Variants in SNX6 observed in about 807,000 individuals in gnomAD.
SNX6 encodes the protein sorting nexin 6.
Under a neutral mutation model 63.0 loss-of-function variants are expected in SNX6, and 34 were observed. That is an observed-to-expected ratio of 0.54 (90% CI 0.41 to 0.72). The LOEUF is 0.72. SNX6 is among the 30% of genes least tolerant of loss of function. The pLI, the probability that SNX6 is intolerant of heterozygous loss-of-function variation, is 0.00. For missense variants in SNX6, 398 were observed against 471.4 expected, an observed-to-expected ratio of 0.84 and a Z score of 1.44; for synonymous variants, 170 against 164.2, an observed-to-expected ratio of 1.04 and a Z score of -0.27.
chr14:34,598,636 G>C (rs1403106509), intron 6 of SNX6, among the ~76,000 whole-genome samples: 1 of 152,158 alleles, frequency 6.6e-6, no homozygotes, highest in Non-Finnish European at 1.5e-5. Context: ...AACCACCTTG[G>C]CCTCCCAAAG....
chr14:34,573,180 G>C (rs1163946543), intron 11 of SNX6, among the ~76,000 whole-genome samples: 2 of 152,058 alleles, frequency 1.3e-5, no homozygotes. Flanking sequence ...ATGTCATTTT[G>C]TTGCCTAGGC....
intron 11 of SNX6, 70 bp downstream of exon 11, chr14:34,575,686 A>G: frequency 1.4e-6 from 1 of 704,626 alleles, no homozygotes; most frequent in South Asian, 1.7e-5. Context: ...ATCATTAACA[A>G]TCTGAAGTCT....
chr14:34,569,073 TGCCAGA>T lies in SNX6; in HGVS notation c.922-1066_922-1061del. On this transcript the variant is annotated intron_variant, in intron 11 of 13. Transcript: ENST00000362031. ...GCTTCCCAGACTTTCTGAGGAAGGC[TGCCAGA>T]GCTCTGATGAACTCCTGCTGGTTCA... 1.1e-5 allele frequency: 13 copies of T among 1,153,732 alleles called. No homozygotes were observed. The South Asian group carries it at 1.5e-4, about 13-fold the overall frequency. The allele number at this position is 1,153,732 out of a possible 1,614,324, so 71.5% of individuals were successfully genotyped here.
At chr14:34,572,712 G>A (rs138766792) in intron 11 of SNX6, among the ~76,000 whole-genome samples, 4 of 151,142 alleles carry the variant, frequency 2.6e-5, no homozygotes, top group African/African-American at 7.3e-5. Flanking sequence ...ATGGAGTCTC[G>A]CTCTGTCCCC....
At chr14:34,566,551 AAAAC>A (rs1350479994) in intron 13 of SNX6, among the ~76,000 whole-genome samples, 1 of 152,262 alleles carries the variant, frequency 6.6e-6, no homozygotes, top group Non-Finnish European at 1.5e-5. Flanking sequence ...GACTTTTTAA[AAAAC>A]AACTAGTCAA....
At chr14:34,628,301 T>C (rs938516499) in intron 2 of SNX6, among the ~76,000 whole-genome samples, 2 of 151,684 alleles carry the variant, frequency 1.3e-5, no homozygotes, top group South Asian at 2.1e-4. Flanking sequence ...CTACTAAAAA[T>C]ACAAAAAATT....
At chr14:34,564,050 C>CA (rs1232657889) in intron 13 of SNX6, among the ~76,000 whole-genome samples, 3 of 151,762 alleles carry the variant, frequency 2.0e-5, no homozygotes, top group African/African-American at 4.8e-5. Context: ...TGTTTTGAGA[C>CA]AGAGTCTTGC....
intron 2 of SNX6, 140 bp downstream of exon 2, chr14:34,629,767 G>A (rs1270211865): frequency 2.3e-6 from 3 of 1,320,212 alleles, no homozygotes; most frequent in East Asian, 2.5e-5. Context: ...GGTGGGGCGC[G>A]GTGCAGCGAG....
intron 11 of SNX6, among the ~76,000 whole-genome samples, chr14:34,570,859 G>T (rs2138267752): frequency 6.6e-6 from 1 of 151,466 alleles, no homozygotes; most frequent in Admixed American, 6.6e-5. Flanking sequence ...GAGTAGCTGG[G>T]ACTACAGGCG....
At chr14:34,578,896 G>A (rs1383263878) in intron 10 of SNX6, among the ~76,000 whole-genome samples, 3 of 114,208 alleles carry the variant, frequency 2.6e-5, no homozygotes, top group African/African-American at 6.7e-5. Context: ...CCAAGATCGC[G>A]CCACTGCACT....
intron 2 of SNX6, among the ~76,000 whole-genome samples, chr14:34,624,541 T>C (rs1682309426): frequency 6.6e-6 from 1 of 152,074 alleles, no homozygotes; most frequent in Non-Finnish European, 1.5e-5. Flanking sequence ...CTCACACCTG[T>C]AATCCCAGCA....
intron 2 of SNX6, among the ~76,000 whole-genome samples, chr14:34,611,748 CAAAAAA>C (rs1171892665): frequency 9.3e-6 from 1 of 107,158 alleles, no homozygotes; most frequent in East Asian, 2.9e-4. Flanking sequence ...GACACTGTCT[CAAAAAA>C]AAAAAAAAAA....
chr14:34,616,043 C>T (rs1331889958), intron 2 of SNX6, among the ~76,000 whole-genome samples: 1 of 152,198 alleles, frequency 6.6e-6, no homozygotes, highest in Non-Finnish European at 1.5e-5. Flanking sequence ...GCAATCTCCA[C>T]CTCCAGGGTT....
rs1048291880 is a variant in SNX6 at position 34,629,073 on chromosome 14, G to A, written c.54+834C>T. Among the ~76,000 whole-genome samples, 4 of 151,792 alleles carry A rather than the reference G, an allele frequency of 2.6e-5. 1 individual carries two copies. In the Admixed American group the frequency reaches 2.6e-4, roughly 10 times the overall value. On this transcript the variant is annotated intron_variant, in intron 2 of 13. Transcript: ENST00000362031. Reference sequence around the variant, plus strand: ...GGAGTGTGTATGTGGGGGGTGAGTGGGTGGAGCGTCGATGTTGGTCAAAGG... The same window carrying A: ...GGAGTGTGTATGTGGGGGGTGAGTGAGTGGAGCGTCGATGTTGGTCAAAGG...
At chr14:34,570,719 C>A (rs34664694) in intron 11 of SNX6, among the ~76,000 whole-genome samples, 37,664 of 135,634 alleles carry the variant, frequency 0.28, 6,022 homozygotes, top group Non-Finnish European at 0.39. Context: ...CCGCACCTGG[C>A]CTTCTCTTTT....
intron 7 of SNX6, among the ~76,000 whole-genome samples, chr14:34,596,113 C>A (rs908502810): frequency 1.9e-4 from 29 of 151,384 alleles, no homozygotes; most frequent in Middle Eastern, 3.4e-3. Context: ...CCAGCTACTC[C>A]GGAGGCTGAG....
At chr14:34,603,084 T>A (rs979985085) in intron 6 of SNX6, among the ~76,000 whole-genome samples, 1 of 151,342 alleles carries the variant, frequency 6.6e-6, no homozygotes, top group African/African-American at 2.4e-5. Context: ...GAGACCATTC[T>A]GGCTAACACG....
rs769106881 is a variant in SNX6 at position 34,586,199 on chromosome 14, C to G, written c.794+31G>C. On this transcript the variant is annotated intron_variant, in intron 9 of 13. Transcript: ENST00000362031. ...TACAGGCGTGAGCCACCGCGCCCAG[C>G]CTATTTCACGTTTTAAATTAGAACA... 8.9e-6 allele frequency: 13 copies of G among 1,465,416 alleles called. No homozygotes were observed. The Admixed American group carries it at 2.2e-4, about 25-fold the overall frequency. 90.8% of individuals were successfully genotyped at this position (1,465,416 alleles called of 1,614,324 possible).
chr14:34,574,810 G>A (rs188489415), intron 11 of SNX6, among the ~76,000 whole-genome samples: 39 of 151,522 alleles, frequency 2.6e-4, no homozygotes, highest in African/African-American at 8.5e-4. Context: ...CACCCGCCTC[G>A]GCCTCCCAAA....
Sources: allele counts gnomAD v4.1 joint callset (sites outside exome capture counted in the v4.1 genomes callset), GRCh38; gene constraint gnomAD v4.1.1; transcripts MANE v1.5; gene names NCBI Gene and HGNC (gene_info 2026-07-23, HGNC 2026-07-21).